Variants in UBR2 observed in about 807,000 individuals in gnomAD.
UBR2 encodes ubiquitin protein ligase E3 component n-recognin 2, also known as E3 ubiquitin-protein ligase UBR2.
A neutral mutation model predicts 247.9 loss-of-function variants in UBR2; 92 were observed. That is an observed-to-expected ratio of 0.37 (90% CI 0.31 to 0.44). UBR2 has a LOEUF of 0.44. Among genes scored for constraint, UBR2 ranks in the 20% least tolerant of loss-of-function variants. UBR2 has a pLI of 1.00. For synonymous variants in UBR2, 672 were observed against 693.5 expected, an observed-to-expected ratio of 0.97 and a Z score of 0.49; for missense variants, 1,613 against 2,112.6, an observed-to-expected ratio of 0.76 and a Z score of 4.64.
intron 31 of UBR2, 81 bp downstream of exon 31, chr6:42,662,358 GA>G: frequency 1.1e-6 from 1 of 890,464 alleles, no homozygotes; most frequent in Non-Finnish European, 1.7e-6. Context: ...TTTCATTCTA[GA>G]AAAAAGGAAA....
intron 4 of UBR2, among the ~76,000 whole-genome samples, chr6:42,601,414 C>T (rs1043553894): frequency 1.3e-5 from 2 of 152,088 alleles, no homozygotes; most frequent in African/African-American, 2.4e-5. Flanking sequence ...CTTCGCTGGG[C>T]GCGGCTGCTC....
chr6:42,657,448 C>A (rs1582663258), intron 26 of UBR2, among the ~76,000 whole-genome samples: 1 of 152,288 alleles, frequency 6.6e-6, no homozygotes, highest in East Asian at 1.9e-4. Flanking sequence ...AAAGATCACA[C>A]AGGTCAATCT....
intron 30 of UBR2, among the ~76,000 whole-genome samples, chr6:42,661,828 G>GA (rs2151975914): frequency 6.6e-6 from 1 of 152,310 alleles, no homozygotes; most frequent in South Asian, 2.1e-4. Context: ...GCAGCCCCAT[G>GA]AAGAGAGTAG....
Position 42,690,389 on chromosome 6 carries a change from TAGG to T in UBR2, c.5127-634_5127-632del, listed in dbSNP as rs574923625. ...TCCCACTGTTCTCAGCGTGGGCTGT[TAGG>T]AGGAGGAGAGTCTGATTAGTGAGTG... On this transcript the variant is annotated intron_variant, in intron 46 of 46. Coordinates refer to ENST00000372901, the MANE Select transcript of UBR2 (RefSeq NM_001363705.2). Among the ~76,000 whole-genome samples the T allele has an allele frequency of 4.6e-5, 7 of 152,284 alleles. No individual in the cohort carries two copies. In the South Asian group the frequency reaches 1.0e-3, roughly 23 times the overall value.
In UBR2 at chr6:42,676,821, G is replaced by A. The variant is rs761058017; in HGVS notation, c.4426G>A (p.Glu1476Lys). 1 of 1,614,036 alleles carries A rather than the reference G, an allele frequency of 6.2e-7. No individual in the cohort carries two copies. Among genetic ancestry groups the A allele is most frequent in the Non-Finnish European group, 8.5e-7 (1 of 1,179,972 alleles). The change falls in exon 40 of 47, where the codon GAA (glutamate) becomes AAA (lysine). Residue 1476 changes from glutamate to lysine, a missense_variant. By Grantham distance (56) the Glu-to-Lys change is moderately conservative. Coordinates refer to ENST00000372901, the MANE Select transcript of UBR2 (RefSeq NM_001363705.2). ...GGATCAAGAAAATCCCCCTTGTGAA[G>A]AAGAATCAGCAGTTCTTGCTTTGTA... ...GMDQENPPCEEESAVLALYKT... is the reference protein window; with the variant it reads ...GMDQENPPCEKESAVLALYKT...
chr6:42,588,049 G>T (rs1792407741), intron 2 of UBR2, among the ~76,000 whole-genome samples: 1 of 152,094 alleles, frequency 6.6e-6, no homozygotes, highest in Non-Finnish European at 1.5e-5. Flanking sequence ...AGGTGTTATT[G>T]TCAGAATCCA....
Position 42,679,770 on chromosome 6 carries a change from A to G in UBR2, c.4656A>G (p.Leu1552=), listed in dbSNP as rs1156957979. The part of the protein sequence containing the change: ...HFEHLCSYLS[L]PNNLICLFQE... ...AACATTTATGTAGCTATCTTTCCCT[A>G]CCAAACAACCTCATTTGCCTTTTTC... Residue 1552 remains leucine (L), a synonymous_variant, in exon 42 of 47, where the codon CTA becomes CTG. Coordinates refer to ENST00000372901, the MANE Select transcript of UBR2 (RefSeq NM_001363705.2). 1 of 1,613,402 alleles carries G rather than the reference A, an allele frequency of 6.2e-7. No individual in the cohort carries two copies. The highest frequency in any genetic ancestry group is 8.5e-7 in the Non-Finnish European group (1 of 1,179,858).
rs375412214 is a variant in UBR2, at chr6:42,628,132, T to C, written c.1282-4420T>C. ...AGTTCCCTTTCTCCCTGGTTTTATCTCCTGGAGTCCTTGTCTCAGCAGCTC... is the reference window on the plus strand; with the variant it reads ...AGTTCCCTTTCTCCCTGGTTTTATCCCCTGGAGTCCTTGTCTCAGCAGCTC... On this transcript the variant is annotated intron_variant, in intron 11 of 46. Transcript: ENST00000372901. 1.2e-4 allele frequency among the ~76,000 whole-genome samples: 19 copies of C among 152,292 alleles called. No individual in the cohort carries two copies. The East Asian group carries it at 2.1e-3, about 17-fold the overall frequency.
intron 2 of UBR2, among the ~76,000 whole-genome samples, chr6:42,584,837 A>G (rs758145589): frequency 1.5e-4 from 23 of 151,842 alleles, no homozygotes; most frequent in Non-Finnish European, 3.2e-4. Context: ...TTCTGATATT[A>G]ACTTTTACCC....
In UBR2 at chr6:42,687,059, C is replaced by T. The variant is rs529936635; in HGVS notation, c.4854-1157C>T. Among the ~76,000 whole-genome samples, 5 of 152,220 alleles carry T rather than the reference C, an allele frequency of 3.3e-5. No homozygotes were observed. The South Asian group carries it at 8.3e-4, about 25-fold the overall frequency. On this transcript the variant is annotated intron_variant, in intron 44 of 46. Coordinates refer to ENST00000372901, the MANE Select transcript of UBR2 (RefSeq NM_001363705.2). ...CTCAGACTGGGCGGCCGGGCAGAGA[C>T]GCTCGTCACTTCCTAGACGGGGTGG...
At chr6:42,617,075 A>G (rs943807336) in intron 10 of UBR2, among the ~76,000 whole-genome samples, 1 of 152,244 alleles carries the variant, frequency 6.6e-6, no homozygotes, top group East Asian at 1.9e-4. Flanking sequence ...CACAGTTTCC[A>G]TAGTGAATCA....
At chr6:42,626,171 T>C (rs968310899) in intron 11 of UBR2, among the ~76,000 whole-genome samples, 3 of 152,192 alleles carry the variant, frequency 2.0e-5, no homozygotes, top group Non-Finnish European at 4.4e-5. Context: ...TTGTGTTTTC[T>C]TTAGATTTTG....
chr6:42,614,996 T>A (rs1221783857), intron 8 of UBR2, 75 bp from the exon 9 acceptor site: 1 of 1,280,354 alleles, frequency 7.8e-7, no homozygotes, highest in East Asian at 2.4e-5. Context: ...ACAGATCCAT[T>A]TGAACATCTA....
At chr6:42,598,481 A>G (rs934089845) in intron 4 of UBR2, among the ~76,000 whole-genome samples, 4 of 152,194 alleles carry the variant, frequency 2.6e-5, no homozygotes, top group Non-Finnish European at 5.9e-5. Flanking sequence ...TGTTTCGCCT[A>G]CTCAGTTCCC....
intron 11 of UBR2, among the ~76,000 whole-genome samples, chr6:42,631,891 A>ATATATATATATATAT (rs752152787): frequency 0.01 from 1,184 of 113,694 alleles, 83 homozygotes; most frequent in African/African-American, 0.016. Flanking sequence ...TATATATATA[A>ATATATATATATATAT]ATACAGGTTC....
At chr6:42,639,340 C>G (rs1796285426) in intron 15 of UBR2, among the ~76,000 whole-genome samples, 1 of 152,198 alleles carries the variant, frequency 6.6e-6, no homozygotes, top group African/African-American at 2.4e-5. Flanking sequence ...TGCCTGTAAT[C>G]CCAGCACTTT....
chr6:42,661,171 C>T (rs747203160), intron 30 of UBR2, among the ~76,000 whole-genome samples: 3 of 151,908 alleles, frequency 2.0e-5, no homozygotes, highest in Non-Finnish European at 4.4e-5. Context: ...GTGGCAGTTA[C>T]CTGCTACTCG....
chr6:42,688,451 AG>A (rs1799567812), intron 45 of UBR2, 65 bp downstream of exon 45: 1 of 1,569,698 alleles, frequency 6.4e-7, no homozygotes, highest in African/African-American at 1.4e-5. Flanking sequence ...AGGGTGTCAC[AG>A]GAAACTACTA....
chr6:42,670,579 GT>G lies in UBR2; in HGVS notation c.4031-74del, dbSNP rs1027098929. 4.2e-5 allele frequency: 43 copies of G among 1,016,084 alleles called. No individual in the cohort carries two copies. In the African/African-American group the frequency reaches 5.3e-4, roughly 13 times the overall value. The allele number at this position is 1,016,084 out of a possible 1,614,324, so 62.9% of individuals were successfully genotyped here. On this transcript the variant is annotated intron_variant, in intron 35 of 46. Transcript: ENST00000372901. ...ATATTGTACTTTCTGTAGGATTGGG[GT>G]TTTTTTAACCTTTTTAAGAAAATTA... is the stretch of plus-strand genomic sequence containing the variant.
Sources: gnomAD v4.1 joint callset for allele counts (sites outside exome capture counted in the v4.1 genomes callset) on GRCh38, gnomAD v4.1.1 for gene constraint, MANE v1.5 for transcripts, NCBI Gene and HGNC (gene_info 2026-07-23, HGNC 2026-07-21) for gene names.